The following PRUNE2 variants were observed in gnomAD, a reference collection of about 807,000 sequenced individuals.
PRUNE2 encodes the protein protein prune homolog 2.
PRUNE2 carries 164 observed loss-of-function variants against 252.0 expected under a neutral mutation model. The observed-to-expected ratio is 0.65, with a 90% CI of 0.57 to 0.74. PRUNE2 has a LOEUF of 0.74. Among genes scored for constraint, PRUNE2 ranks in the 30% least tolerant of loss-of-function variants. PRUNE2 has a pLI of 0.00. For missense variants in PRUNE2, 3,495 were observed against 3,711.0 expected, an observed-to-expected ratio of 0.94 and a Z score of 1.51; for synonymous variants, 1,292 against 1,350.2, an observed-to-expected ratio of 0.96 and a Z score of 0.94.
intron 4 of PRUNE2, among the ~76,000 whole-genome samples, chr9:76,838,381 A>G (rs1025850377): frequency 6.6e-6 from 1 of 152,002 alleles, no homozygotes; most frequent in African/African-American, 2.4e-5. Context: ...ATGGTGGCTC[A>G]TGTCTGTAAT....
At chr9:76,635,014 C>T (rs988009859) in intron 15 of PRUNE2, among the ~76,000 whole-genome samples, 21 of 152,158 alleles carry the variant, frequency 1.4e-4, no homozygotes, top group African/African-American at 5.1e-4. Context: ...ACTCTGTTGC[C>T]CAGGCTGGAG....
intron 6 of PRUNE2, among the ~76,000 whole-genome samples, chr9:76,752,451 C>T (rs11145045): frequency 0.47 from 71,627 of 151,820 alleles, 17,174 homozygotes; most frequent in Admixed American, 0.57. Context: ...GTTACAAAGC[C>T]GGGGATTGAA....
At chr9:76,900,924 A>G (rs370683073) in intron 1 of PRUNE2, among the ~76,000 whole-genome samples, 3 of 152,296 alleles carry the variant, frequency 2.0e-5, no homozygotes, top group South Asian at 2.1e-4. Context: ...ATCTGCCCAA[A>G]TAAATGTTAC....
intron 1 of PRUNE2, among the ~76,000 whole-genome samples, chr9:76,899,218 T>C (rs1442128750): frequency 6.6e-6 from 1 of 152,206 alleles, no homozygotes; most frequent in African/African-American, 2.4e-5. Flanking sequence ...GGTTCCACTG[T>C]TGGCTGATCT....
intron 6 of PRUNE2, among the ~76,000 whole-genome samples, chr9:76,777,817 A>G (rs749256592): frequency 6.6e-6 from 1 of 152,208 alleles, no homozygotes; most frequent in Non-Finnish European, 1.5e-5. Flanking sequence ...CATTTACATG[A>G]CATTTGAGCA....
At chr9:76,771,835 A>C (rs2053147262) in intron 6 of PRUNE2, among the ~76,000 whole-genome samples, 1 of 152,010 alleles carries the variant, frequency 6.6e-6, no homozygotes, top group Admixed American at 6.6e-5. Flanking sequence ...GCCACCAACC[A>C]CTCAGGTGTG....
At chr9:76,783,309 G>A (rs1261226467) in intron 6 of PRUNE2, among the ~76,000 whole-genome samples, 1 of 152,004 alleles carries the variant, frequency 6.6e-6, no homozygotes. Flanking sequence ...GCTAATTTTT[G>A]TATTTTTAGT....
At chr9:76,617,871 T>C (rs1156420566) in intron 18 of PRUNE2, among the ~76,000 whole-genome samples, 1 of 152,218 alleles carries the variant, frequency 6.6e-6, no homozygotes, top group African/African-American at 2.4e-5. Flanking sequence ...GTGCCCTCTC[T>C]GCTGCTTGTT....
At chr9:76,686,991 T>C (rs1408964203) in intron 9 of PRUNE2, among the ~76,000 whole-genome samples, 1 of 152,186 alleles carries the variant, frequency 6.6e-6, no homozygotes, top group Non-Finnish European at 1.5e-5. Flanking sequence ...TCCTCCCACC[T>C]TGGCCTCCCA....
At chr9:76,809,623 G>A (rs1399281119) in intron 6 of PRUNE2, among the ~76,000 whole-genome samples, 1 of 152,126 alleles carries the variant, frequency 6.6e-6, no homozygotes, top group Non-Finnish European at 1.5e-5. Context: ...TTGAACCAGG[G>A]AGGCAGAGGT....
At chr9:76,722,898 G>T (rs574768443) in intron 6 of PRUNE2, among the ~76,000 whole-genome samples, 1 of 152,258 alleles carries the variant, frequency 6.6e-6, no homozygotes, top group South Asian at 2.1e-4. Context: ...CCTCACCAAA[G>T]ATATTATTGA....
intron 1 of PRUNE2, among the ~76,000 whole-genome samples, chr9:76,900,216 T>C (rs948570813): frequency 3.3e-5 from 5 of 152,214 alleles, no homozygotes; most frequent in East Asian, 1.9e-4. Context: ...CCAGGTTCTG[T>C]GCTAAGGGCT....
intron 6 of PRUNE2, among the ~76,000 whole-genome samples, chr9:76,800,811 T>C (rs2056500641): frequency 6.6e-6 from 1 of 152,228 alleles, no homozygotes; most frequent in Non-Finnish European, 1.5e-5. Context: ...GTGCATACGC[T>C]GTCATAGAGT....
rs367887891 is a variant in PRUNE2, at chr9:76,732,158, C to CA, written c.757-18438dup. 6.4e-3 allele frequency among the ~76,000 whole-genome samples: 967 copies of CA among 152,038 alleles called. 10 individuals carry two copies. The highest frequency in any genetic ancestry group is 0.022 in the African/African-American group (917 of 41,492). On this transcript the variant is annotated intron_variant, in intron 6 of 18. Transcript: ENST00000376718. Reference sequence around the variant, plus strand: ...TGAAACCCTGTCTCTACTAAAAATACAAAAAATTAGCCGGGCATGGTGGTG... The same window carrying CA: ...TGAAACCCTGTCTCTACTAAAAATACAAAAAAATTAGCCGGGCATGGTGGTG...
At chr9:76,845,897 C>T (rs562614369) in intron 4 of PRUNE2, among the ~76,000 whole-genome samples, 71 of 152,298 alleles carry the variant, frequency 4.7e-4, no homozygotes, top group Non-Finnish European at 4.1e-4. Flanking sequence ...TTGAAAACCA[C>T]TCTTTGGAAG....
At chr9:76,825,798 A>G (rs1474911307) in intron 5 of PRUNE2, among the ~76,000 whole-genome samples, 2 of 152,218 alleles carry the variant, frequency 1.3e-5, no homozygotes, top group African/African-American at 4.8e-5. Flanking sequence ...GTAGGTATCC[A>G]GTGAATTATA....
intron 6 of PRUNE2, chr9:76,740,415 C>T (rs1233900246): frequency 7.0e-6 from 1 of 142,088 alleles, no homozygotes; most frequent in East Asian, 2.2e-4. Context: ...TGCCTCTGCA[C>T]TCCAGCCTGG....
At chr9:76,901,531 T>C (rs1015991041) in intron 1 of PRUNE2, among the ~76,000 whole-genome samples, 1 of 152,210 alleles carries the variant, frequency 6.6e-6, no homozygotes, top group Admixed American at 6.5e-5. Flanking sequence ...TACGCGGAAC[T>C]TTCTTCCCAT....
At chr9:76,837,695 A>G (rs1275659678) in intron 4 of PRUNE2, among the ~76,000 whole-genome samples, 1 of 151,908 alleles carries the variant, frequency 6.6e-6, no homozygotes, top group Non-Finnish European at 1.5e-5. Context: ...ATTTCAGTAA[A>G]AATGATTATA....
Sources: gnomAD v4.1 joint callset for allele counts (sites outside exome capture counted in the v4.1 genomes callset) on GRCh38, gnomAD v4.1.1 for gene constraint, MANE v1.5 for transcripts, NCBI Gene and HGNC (gene_info 2026-07-23, HGNC 2026-07-21) for gene names.